ABCD3: variants seen among roughly 807,000 people sequenced by gnomAD.
The protein encoded by ABCD3 is ATP binding cassette subfamily D member 3, also known as ATP-binding cassette sub-family D member 3.
ABCD3 carries 41 observed loss-of-function variants against 105.5 expected under a neutral mutation model. That is an observed-to-expected ratio of 0.39 (90% confidence interval 0.30 to 0.50). The LOEUF (loss-of-function observed/expected upper bound fraction) is 0.50. Among genes scored for constraint, ABCD3 ranks in the 20% least tolerant of loss-of-function variants. The pLI, the probability that ABCD3 is intolerant of heterozygous loss-of-function variation, is 0.84. For synonymous variants in ABCD3, 258 were observed against 269.0 expected, an observed-to-expected ratio of 0.96 and a Z score of 0.40; for missense variants, 622 against 806.3, an observed-to-expected ratio of 0.77 and a Z score of 2.77.
chr1:94,518,029 A>G lies in ABCD3; in HGVS notation c.*900A>G, dbSNP rs1202061504. ...AGGAAGGCACTACATGAAATAATGC[A>G]CTGAGTATGCAATGCTATCACTGTC... On this transcript the variant is annotated 3_prime_UTR_variant, in exon 23 of 23. Coordinates refer to ENST00000370214, the MANE Select transcript of ABCD3 (RefSeq NM_002858.4). 6.6e-6 allele frequency: 1 copy of G among 151,890 alleles called. No homozygotes were observed. Among genetic ancestry groups the G allele is most frequent in the Non-Finnish European group, 1.5e-5 (1 of 67,838 alleles). The allele number at this position is 151,890 out of a possible 1,614,324, so 9.4% of individuals were successfully genotyped here. A position where few individuals can be genotyped will look rare whatever the true frequency, so the allele number is the denominator to read the frequency against.
chr1:94,479,331 G>A (rs34579537), intron 8 of ABCD3, among the ~76,000 whole-genome samples: 5,277 of 151,440 alleles, frequency 0.035, 136 homozygotes, highest in Non-Finnish European at 0.054. Context: ...ATGTCTACTT[G>A]TTATCTGATT....
At chr1:94,476,127 T>G (rs2100997888) in intron 7 of ABCD3, among the ~76,000 whole-genome samples, 1 of 152,350 alleles carries the variant, frequency 6.6e-6, no homozygotes, top group East Asian at 1.9e-4. Flanking sequence ...CCCATTTCTC[T>G]GCTTCAGTAT....
At chr1:94,388,374 T>C in the ABCD3 span, among the ~76,000 whole-genome samples, 1 of 127,086 alleles carries the variant, frequency 7.9e-6, no homozygotes, top group Non-Finnish European at 1.6e-5. Flanking sequence ...CATTCTGAGA[T>C]TATCACTTTA....
chr1:94,473,520 A>G (rs1300887864), intron 4 of ABCD3, among the ~76,000 whole-genome samples: 3 of 152,124 alleles, frequency 2.0e-5, no homozygotes, highest in Admixed American at 2.0e-4. Flanking sequence ...ATTTTTACTA[A>G]GAAATAATTA....
intron 13 of ABCD3, among the ~76,000 whole-genome samples, chr1:94,489,191 G>C (rs1160886649): frequency 6.6e-6 from 1 of 151,998 alleles, no homozygotes; most frequent in African/African-American, 2.4e-5. Flanking sequence ...TATTGCCACA[G>C]TGATTTCTAT....
Position 94,508,473 on chromosome 1 carries a change from G to A in ABCD3, c.1845+1831G>A, listed in dbSNP as rs1376350281. Among the ~76,000 whole-genome samples the A allele has an allele frequency of 1.1e-4, 16 of 151,792 alleles. 1 individual carries two copies. In the East Asian group the frequency reaches 2.3e-3, roughly 22 times the overall value. The stretch of plus-strand genomic sequence containing the variant: ...TGGCTTAGGATTGACTTGGCGATGC[G>A]TGCTCTTTTTTGGTTCCATATGAAC... On this transcript the variant is annotated intron_variant, in intron 21 of 22. Coordinates refer to ENST00000370214, the MANE Select transcript of ABCD3 (RefSeq NM_002858.4).
rs1474222216 is a variant in ABCD3, at chr1:94,517,094, C to G, written c.1945C>G (p.Gln649Glu). 3 of 1,610,766 alleles carry G rather than the reference C, an allele frequency of 1.9e-6. No individual in the cohort carries two copies. Among genetic ancestry groups the G allele is most frequent in the East Asian group, 2.2e-5 (1 of 44,760 alleles). The part of the protein sequence containing the change: ...MDGRGNYEFK[Q>E]ITEDTVEFGS ...TGGCAGAGGCAACTATGAATTCAAA[C>G]AGATAACAGAAGATACAGTTGAGTT... is the stretch of plus-strand genomic sequence containing the variant. The change falls in exon 23 of 23, where the codon CAG becomes GAG. Residue 649 changes from glutamine to glutamate, a missense_variant. Transcript: ENST00000370214.
intron 20 of ABCD3, among the ~76,000 whole-genome samples, chr1:94,500,509 T>C (rs1650041714): frequency 6.6e-6 from 1 of 152,130 alleles, no homozygotes; most frequent in South Asian, 2.1e-4. Context: ...GAGGGGCAAC[T>C]TCATAAAGAG....
intron 16 of ABCD3, among the ~76,000 whole-genome samples, chr1:94,495,133 T>C (rs1331612196): frequency 3.3e-5 from 5 of 152,216 alleles, no homozygotes; most frequent in Non-Finnish European, 7.3e-5. Flanking sequence ...CAGTAAGGTA[T>C]ACTTATAGTG....
At chr1:94,424,060 A>G (rs1659373225) in intron 1 of ABCD3, among the ~76,000 whole-genome samples, 1 of 152,206 alleles carries the variant, frequency 6.6e-6, no homozygotes, top group Admixed American at 6.5e-5. Flanking sequence ...CTCAAAATAA[A>G]AAAGAGATGC....
chr1:94,446,939 G>T lies in ABCD3; in HGVS notation c.111-11668G>T, dbSNP rs551993730. Among the ~76,000 whole-genome samples the T allele has an allele frequency of 2.6e-5, 4 of 152,308 alleles. No homozygotes were observed. The East Asian group carries it at 7.7e-4, about 29-fold the overall frequency. ...ATGGGGAGCAAAAGTTCTAATTCCA[G>T]AGCAATTAAACAGCCCTTAGAGTCA... On this transcript the variant is annotated intron_variant, in intron 1 of 22. Transcript: ENST00000370214.
intron 1 of ABCD3, among the ~76,000 whole-genome samples, chr1:94,438,709 A>G (rs1660020963): frequency 6.6e-6 from 1 of 152,216 alleles, no homozygotes; most frequent in African/African-American, 2.4e-5. Context: ...TGGAGGCAAG[A>G]CCCTCAACCA....
intron 1 of ABCD3, chr1:94,432,511 AT>A (rs1659724293): frequency 6.6e-6 from 1 of 152,210 alleles, no homozygotes; most frequent in African/African-American, 2.4e-5. Context: ...TATTTTAGAC[AT>A]TGTTCTAAAT....
rs193278254 is a variant in ABCD3, at chr1:94,429,215, A to G, written c.110+10627A>G. Among the ~76,000 whole-genome samples, 808 of 152,336 alleles carry G rather than the reference A, an allele frequency of 5.3e-3. 9 individuals are homozygous for G. Among genetic ancestry groups the G allele is most frequent in the African/African-American group, 0.018 (760 of 41,572 alleles). ...GGAAGAAATTTCTAAGCAGCAAAGA[A>G]TTCAAGAGGTGGCTTGGGTGCTGTT... On this transcript the variant is annotated intron_variant, in intron 1 of 22. Transcript: ENST00000370214.
At chr1:94,457,677 TA>T (rs959173919) in intron 1 of ABCD3, among the ~76,000 whole-genome samples, 1 of 151,836 alleles carries the variant, frequency 6.6e-6, no homozygotes, top group East Asian at 1.9e-4. Flanking sequence ...AAGGCGGAGG[TA>T]AAAAAGGCCT....
At chr1:94,469,386 C>T (rs1648328727) in intron 4 of ABCD3, among the ~76,000 whole-genome samples, 7 of 151,532 alleles carry the variant, frequency 4.6e-5, no homozygotes. Context: ...ATGATTTTGA[C>T]TATTGCTTAC....
intron 16 of ABCD3, 136 bp downstream of exon 16, chr1:94,491,383 C>A: frequency 1.4e-6 from 1 of 690,056 alleles, no homozygotes. Context: ...AAAAGTAAGT[C>A]TTTGAAACGC....
At chr1:94,395,191 A>G in the ABCD3 span, among the ~76,000 whole-genome samples, 3 of 152,168 alleles carry the variant, frequency 2.0e-5, no homozygotes, top group African/African-American at 4.8e-5. Flanking sequence ...AGGGTTATCC[A>G]TATGTTCTGT....
chr1:94,486,252 T>C (rs1205160383), intron 10 of ABCD3, among the ~76,000 whole-genome samples: 2 of 152,186 alleles, frequency 1.3e-5, no homozygotes, highest in Non-Finnish European at 1.5e-5. Flanking sequence ...TATGCCATTT[T>C]TCATCAGGGA....
Sources: gnomAD v4.1 joint callset for allele counts (sites outside exome capture counted in the v4.1 genomes callset) on GRCh38, gnomAD v4.1.1 for gene constraint, MANE v1.5 for transcripts, NCBI Gene and HGNC (gene_info 2026-07-23, HGNC 2026-07-21) for gene names.